Variants in R3HCC1L observed in about 807,000 individuals in gnomAD.
R3HCC1L encodes R3H domain and coiled-coil containing 1 like.
In R3HCC1L, 51 loss-of-function variants were observed where a neutral mutation model predicts 59.9. That is an observed-to-expected ratio of 0.85 (90% confidence interval 0.68 to 1.07). The LOEUF (loss-of-function observed/expected upper bound fraction) is 1.07. R3HCC1L is among the 50% of genes least tolerant of loss of function. The pLI, the probability that R3HCC1L is intolerant of heterozygous loss-of-function variation, is 0.00. For synonymous variants in R3HCC1L, 322 were observed against 315.2 expected (o/e 1.02, Z -0.23); for missense variants, 965 against 933.0 (o/e 1.03, Z -0.45).
intron 1 of R3HCC1L, among the ~76,000 whole-genome samples, chr10:98,154,205 GAAGA>G (rs930899675): frequency 1.5e-5 from 2 of 131,754 alleles, no homozygotes; most frequent in Non-Finnish European, 3.2e-5. Flanking sequence ...AAAAAAAAAG[GAAGA>G]AAGAGCATAG....
chr10:98,134,712 A>G lies in R3HCC1L; in HGVS notation c.-268+6A>G, dbSNP rs1844353358. On this transcript the variant is annotated splice_donor_region_variant and intron_variant, in intron 1 of 9. Transcript: ENST00000298999. ...CGGAGAGCAACAGCGCGCCGGTAAC[A>G]ACCAGCCCCGTATCCCCTCCCTCTG... 6.6e-6 allele frequency: 1 copy of G among 152,272 alleles called. No homozygotes were observed. Among genetic ancestry groups the G allele is most frequent in the Admixed American group, 6.5e-5 (1 of 15,288 alleles). The allele number at this position is 152,272 out of a possible 1,614,324, so 9.4% of individuals were successfully genotyped here.
intron 1 of R3HCC1L, among the ~76,000 whole-genome samples, chr10:98,146,643 T>C (rs377427580): frequency 1.2e-3 from 179 of 152,350 alleles, no homozygotes; most frequent in African/African-American, 4.0e-3. Flanking sequence ...TGACAGGATA[T>C]CATTCTTTAA....
Position 98,180,635 on chromosome 10 carries a change from G to A in R3HCC1L, c.-15+17238G>A, listed in dbSNP as rs148688068. On this transcript the variant is annotated intron_variant, in intron 4 of 9. Coordinates refer to ENST00000298999, the MANE Select transcript of R3HCC1L (RefSeq NM_001351015.2). The stretch of plus-strand genomic sequence containing the variant: ...GATATCCTTGTTAACCTTCTGTCTC[G>A]TTGATCTGTCTGATATTGACAGTGG... 5.3e-5 allele frequency among the ~76,000 whole-genome samples: 8 copies of A among 152,280 alleles called. No individual in the cohort carries two copies. The East Asian group carries it at 5.8e-4, about 11-fold the overall frequency.
chr10:98,135,917 A>G (rs1276130987), intron 1 of R3HCC1L, among the ~76,000 whole-genome samples: 1 of 152,068 alleles, frequency 6.6e-6, no homozygotes, highest in Non-Finnish European at 1.5e-5. Context: ...ATAGCCAAAT[A>G]TCCCATCTGT....
chr10:98,134,880 G>A (rs566260599), intron 1 of R3HCC1L, among the ~76,000 whole-genome samples, 174 bp downstream of exon 1: 1 of 152,324 alleles, frequency 6.6e-6, no homozygotes, highest in East Asian at 1.9e-4. Flanking sequence ...TTACTGGGAA[G>A]CTCCCGCCTT....
intron 2 of R3HCC1L, among the ~76,000 whole-genome samples, chr10:98,161,379 C>T (rs1327006424): frequency 2.0e-5 from 3 of 152,092 alleles, no homozygotes; most frequent in African/African-American, 7.2e-5. Context: ...CCTCCCCTTT[C>T]TCAGTTGTTA....
chr10:98,151,875 T>G (rs990039004), intron 1 of R3HCC1L, among the ~76,000 whole-genome samples: 11 of 152,160 alleles, frequency 7.2e-5, no homozygotes, highest in African/African-American at 2.2e-4. Context: ...TGATAGAAGT[T>G]CATGTCTGTT....
intron 4 of R3HCC1L, among the ~76,000 whole-genome samples, chr10:98,202,204 T>A (rs1213352665): frequency 6.6e-6 from 1 of 152,160 alleles, no homozygotes; most frequent in East Asian, 1.9e-4. Context: ...ATCATCTGTT[T>A]TGCAACCATC....
chr10:98,197,090 C>T (rs145677739), intron 4 of R3HCC1L, among the ~76,000 whole-genome samples: 4 of 152,152 alleles, frequency 2.6e-5, no homozygotes, highest in African/African-American at 9.6e-5. Context: ...GCTGGGATTA[C>T]AGGCGTGTGC....
intron 5 of R3HCC1L, among the ~76,000 whole-genome samples, chr10:98,223,505 A>C (rs1855299778): frequency 6.6e-6 from 1 of 151,578 alleles, no homozygotes; most frequent in African/African-American, 2.4e-5. Context: ...CACTTCTTCA[A>C]ATTTTATGGA....
chr10:98,190,050 A>G (rs1181856085), intron 4 of R3HCC1L, among the ~76,000 whole-genome samples: 2 of 152,230 alleles, frequency 1.3e-5, no homozygotes, highest in African/African-American at 4.8e-5. Context: ...TATATAACCT[A>G]TGTACATCCT....
rs572190051 is a variant in R3HCC1L at position 98,236,971 on chromosome 10, T to C, written c.2269+807T>C. 2.5e-4 allele frequency among the ~76,000 whole-genome samples: 38 copies of C among 152,326 alleles called. No homozygotes were observed. In the South Asian group the frequency reaches 7.7e-3, roughly 31 times the overall value. On this transcript the variant is annotated intron_variant, in intron 9 of 9. Transcript: ENST00000298999. ...ACTTACCGAAAAGTAACTTCATTTT[T>C]CCATTAAACGAATTGAAGTTTCAAA...
chr10:98,240,797 A>ATT (rs11442554), intron 9 of R3HCC1L, among the ~76,000 whole-genome samples: 33,132 of 133,078 alleles, frequency 0.25, 4,687 homozygotes, highest in South Asian at 0.4. Context: ...TTCTAACCAC[A>ATT]TTTTTTTTTT....
intron 1 of R3HCC1L, among the ~76,000 whole-genome samples, chr10:98,153,695 T>G (rs1846520815): frequency 6.7e-6 from 1 of 150,218 alleles, no homozygotes; most frequent in African/African-American, 2.5e-5. Context: ...ACAGACAGAA[T>G]GGACTGTTTG....
At chr10:98,182,843 G>A (rs1181697316) in intron 4 of R3HCC1L, among the ~76,000 whole-genome samples, 1 of 152,216 alleles carries the variant, frequency 6.6e-6, no homozygotes, top group Non-Finnish European at 1.5e-5. Flanking sequence ...GACTTGCTGA[G>A]CCAGTCAAGG....
chr10:98,142,934 C>G (rs1278514738), intron 1 of R3HCC1L, among the ~76,000 whole-genome samples: 1 of 150,332 alleles, frequency 6.7e-6, no homozygotes, highest in East Asian at 1.9e-4. Flanking sequence ...GACTCTGTCT[C>G]CAAAAAAAAA....
At chr10:98,145,154 G>A (rs904021457) in intron 1 of R3HCC1L, among the ~76,000 whole-genome samples, 1 of 152,200 alleles carries the variant, frequency 6.6e-6, no homozygotes, top group Non-Finnish European at 1.5e-5. Flanking sequence ...GTCATATAAT[G>A]AAAACAGTGT....
intron 1 of R3HCC1L, among the ~76,000 whole-genome samples, chr10:98,138,765 A>G (rs1844837269): frequency 6.6e-6 from 1 of 152,150 alleles, no homozygotes; most frequent in South Asian, 2.1e-4. Context: ...TGGAGTCAAG[A>G]CAGACCAAGG....
chr10:98,144,312 T>C (rs1015618091), intron 1 of R3HCC1L, among the ~76,000 whole-genome samples: 5 of 151,870 alleles, frequency 3.3e-5, no homozygotes, highest in Non-Finnish European at 7.4e-5. Flanking sequence ...GCCTCCCAGG[T>C]TCAAGCAATT....
Sources: gnomAD v4.1 joint callset for allele counts (sites outside exome capture counted in the v4.1 genomes callset) on GRCh38, gnomAD v4.1.1 for gene constraint, MANE v1.5 for transcripts, NCBI Gene and HGNC (gene_info 2026-07-23, HGNC 2026-07-21) for gene names.